Variants in MPHOSPH8 observed in about 807,000 individuals in gnomAD.
MPHOSPH8 encodes the protein M-phase phosphoprotein, mpp.
A neutral mutation model predicts 87.3 loss-of-function variants in MPHOSPH8; 45 were observed. The observed-to-expected ratio is 0.52, with a 90% CI of 0.41 to 0.66. MPHOSPH8 has a LOEUF of 0.66. Among genes scored for constraint, MPHOSPH8 ranks in the 30% least tolerant of loss-of-function variants. MPHOSPH8 has a pLI of 0.00. For synonymous variants in MPHOSPH8, 366 were observed against 376.9 expected (o/e 0.97, Z 0.33); for missense variants, 883 against 1,020.2 (o/e 0.87, Z 1.83).
At chr13:19,664,851 T>C (rs1875729014) in intron 9 of MPHOSPH8, among the ~76,000 whole-genome samples, 1 of 151,994 alleles carries the variant, frequency 6.6e-6, no homozygotes, top group South Asian at 2.1e-4. Flanking sequence ...TTTGTTGCTG[T>C]CCAGCTCTGC....
At chr13:19,643,855 C>T (rs1173441541) in intron 2 of MPHOSPH8, among the ~76,000 whole-genome samples, 1 of 152,072 alleles carries the variant, frequency 6.6e-6, no homozygotes, top group Non-Finnish European at 1.5e-5. Flanking sequence ...CTCTGTAACT[C>T]GGCCTGTCAC....
At chr13:19,654,674 C>T (rs1381478046) in intron 5 of MPHOSPH8, among the ~76,000 whole-genome samples, 1 of 152,126 alleles carries the variant, frequency 6.6e-6, no homozygotes, top group Admixed American at 6.5e-5. Context: ...AAAGGCCGGG[C>T]GCAGTGGCTC....
intron 7 of MPHOSPH8, among the ~76,000 whole-genome samples, chr13:19,660,414 C>G (rs1875462918): frequency 6.6e-6 from 1 of 151,926 alleles, no homozygotes; most frequent in South Asian, 2.1e-4. Context: ...GGTATCTTGT[C>G]TTGCTTAGAA....
chr13:19,644,597 C>A (rs1243383977), intron 2 of MPHOSPH8, among the ~76,000 whole-genome samples: 1 of 152,220 alleles, frequency 6.6e-6, no homozygotes, highest in Non-Finnish European at 1.5e-5. Context: ...TGGACTCCGG[C>A]AGGAGCATCA....
At chr13:19,659,627 G>C in intron 7 of MPHOSPH8, 1 of 403,426 alleles carries the variant, frequency 2.5e-6, no homozygotes, top group South Asian at 2.0e-5. Flanking sequence ...TCACACCACT[G>C]CACCCCAGCC....
intron 10 of MPHOSPH8, among the ~76,000 whole-genome samples, chr13:19,667,667 T>C (rs945206305): frequency 1.1e-4 from 17 of 152,238 alleles, no homozygotes; most frequent in African/African-American, 4.1e-4. Flanking sequence ...ATTCCTTCCA[T>C]GTCTTGATAG....
intron 10 of MPHOSPH8, 42 bp downstream of exon 10, chr13:19,666,621 TACATCTG>T: frequency 6.6e-7 from 1 of 1,522,560 alleles, no homozygotes. Flanking sequence ...TCACATATCA[TACATCTG>T]TTTATGTAGA....
chr13:19,642,330 C>G, intron 2 of MPHOSPH8, 60 bp downstream of exon 2: 1 of 1,350,606 alleles, frequency 7.4e-7, no homozygotes, highest in Non-Finnish European at 1.0e-6. Flanking sequence ...AATTTTAACT[C>G]TCAAAGTATG....
At chr13:19,636,025 C>T (rs1429796907) in intron 1 of MPHOSPH8, among the ~76,000 whole-genome samples, 2 of 152,216 alleles carry the variant, frequency 1.3e-5, no homozygotes, top group African/African-American at 4.8e-5. Context: ...TGCCTTCCGC[C>T]ATGATTATAA....
chr13:19,633,689 A>AG lies in MPHOSPH8; in HGVS notation c.-56dup. On this transcript the variant is annotated 5_prime_UTR_variant, in exon 1 of 14. Transcript: ENST00000361479. ...GGAGTAGGGCCGAGCGCGGAACGCG[A>AG]GGGGCTGCTGGGGTGTTTGTCGCAG... The AG allele has an allele frequency of 5.2e-6, 8 of 1,534,818 alleles. No individual in the cohort carries two copies. Among genetic ancestry groups the AG allele is most frequent in the Non-Finnish European group, 7.1e-6 (8 of 1,133,020 alleles).
chr13:19,661,825 A>G lies in MPHOSPH8; in HGVS notation c.1919A>G (p.His640Arg), dbSNP rs920844263. 1.2e-6 allele frequency: 2 copies of G among 1,610,564 alleles called. No homozygotes were observed. Among genetic ancestry groups the G allele is most frequent in the East Asian group, 2.2e-5 (1 of 44,682 alleles). ...AAGAACGGGACCACCGCCCTCATTC[A>G]TGCTGCAGAGAAGGTTTGTGGCTTC... ...RQKNGTTALI[H>R]AAEKNFLTTV... is the part of the protein sequence containing the mutation. The change falls in exon 8 of 14, where the codon CAT becomes CGT. Residue 640 changes from histidine (H) to arginine (R), a missense_variant. Coordinates refer to ENST00000361479, the MANE Select transcript of MPHOSPH8 (RefSeq NM_017520.4).
At chr13:19,638,717 T>C (rs923458538) in intron 1 of MPHOSPH8, among the ~76,000 whole-genome samples, 2 of 150,650 alleles carry the variant, frequency 1.3e-5, no homozygotes, top group Admixed American at 6.7e-5. Flanking sequence ...AACTGAATGA[T>C]TGAAGGGCAG....
intron 1 of MPHOSPH8, among the ~76,000 whole-genome samples, chr13:19,634,587 A>C (rs1873892953): frequency 6.6e-6 from 1 of 152,058 alleles, no homozygotes; most frequent in Admixed American, 6.5e-5. Flanking sequence ...TTCTGGTGAA[A>C]TCTTACTCAA....
intron 5 of MPHOSPH8, among the ~76,000 whole-genome samples, chr13:19,652,535 GT>G (rs1874915313): frequency 6.6e-6 from 1 of 152,018 alleles, no homozygotes; most frequent in African/African-American, 2.4e-5. Context: ...AGCTGCAGAA[GT>G]TTTTTTTCCA....
chr13:19,638,041 C>CAGTG (rs1471456942), intron 1 of MPHOSPH8, among the ~76,000 whole-genome samples: 3 of 149,970 alleles, frequency 2.0e-5, no homozygotes, highest in Non-Finnish European at 4.4e-5. Context: ...GTGGAGCTTG[C>CAGTG]AGTGAGCAGA....
intron 2 of MPHOSPH8, among the ~76,000 whole-genome samples, chr13:19,642,994 A>G (rs937710890): frequency 1.3e-5 from 2 of 152,230 alleles, no homozygotes; most frequent in African/African-American, 2.4e-5. Context: ...TTAGTAAAAC[A>G]GGTGTATTTA....
rs756269454 is a variant in MPHOSPH8 at position 19,666,618 on chromosome 13, T to A, written c.2174+39T>A. 2.3e-5 allele frequency: 35 copies of A among 1,531,898 alleles called. No homozygotes were observed. The South Asian group carries it at 3.4e-4, about 15-fold the overall frequency. The allele number at this position is 1,531,898 out of a possible 1,614,324, so 94.9% of individuals were successfully genotyped here. On this transcript the variant is annotated intron_variant, in intron 10 of 13. Coordinates refer to ENST00000361479, the MANE Select transcript of MPHOSPH8 (RefSeq NM_017520.4). ...GACTGTGCCATAGTTAAGTCACATA[T>A]CATACATCTGTTTATGTAGACATAT...
At chr13:19,652,608 T>C (rs1456363600) in intron 5 of MPHOSPH8, among the ~76,000 whole-genome samples, 1 of 152,068 alleles carries the variant, frequency 6.6e-6, no homozygotes, top group Non-Finnish European at 1.5e-5. Flanking sequence ...GAAAGGGGGC[T>C]GAAGCCAGGG....
At chr13:19,640,744 T>TA (rs1295835231) in intron 1 of MPHOSPH8, among the ~76,000 whole-genome samples, 2 of 152,056 alleles carry the variant, frequency 1.3e-5, no homozygotes, top group African/African-American at 4.8e-5. Flanking sequence ...TCTAACAACT[T>TA]AATAAGAGAT....
Sources: allele counts gnomAD v4.1 joint callset (sites outside exome capture counted in the v4.1 genomes callset), GRCh38; gene constraint gnomAD v4.1.1; transcripts MANE v1.5; gene names NCBI Gene and HGNC (gene_info 2026-07-23, HGNC 2026-07-21).